Variants in ABLIM1 observed in about 807,000 individuals in gnomAD.
ABLIM1 encodes actin-binding LIM protein 1.
A neutral mutation model predicts 107.0 loss-of-function variants in ABLIM1; 40 were observed. That is an observed-to-expected ratio of 0.37 (90% CI 0.29 to 0.49). The LOEUF is 0.49. Ranked by LOEUF, ABLIM1 falls within the 20% of genes least tolerant of loss-of-function variation. The pLI, the probability that ABLIM1 is intolerant of heterozygous loss-of-function variation, is 0.97. For synonymous variants in ABLIM1, 357 were observed against 357.3 expected, an observed-to-expected ratio of 1.00 and a Z score of 0.01; for missense variants, 857 against 1,008.5, an observed-to-expected ratio of 0.85 and a Z score of 2.04.
intron 1 of ABLIM1, among the ~76,000 whole-genome samples, chr10:114,760,404 T>TCACACACACACACA (rs3981296): frequency 1.4e-5 from 2 of 143,630 alleles, no homozygotes; most frequent in African/African-American, 2.6e-5. Flanking sequence ...AATTTCTCCT[T>TCACACACACACACA]CACACACACA....
the ABLIM1 span, chr10:114,778,974 A>T: frequency 6.6e-6 from 1 of 151,892 alleles, no homozygotes; most frequent in African/African-American, 2.4e-5. Context: ...GTCGAACTGT[A>T]CTCTCTCCAG....
intron 1 of ABLIM1, among the ~76,000 whole-genome samples, chr10:114,735,711 G>A (rs2082165290): frequency 6.6e-6 from 1 of 152,136 alleles, no homozygotes; most frequent in Non-Finnish European, 1.5e-5. Flanking sequence ...CTCGTGATCT[G>A]CCCCCCTCGG....
At chr10:114,785,668 T>C in the ABLIM1 span, among the ~76,000 whole-genome samples, 1 of 152,312 alleles carries the variant, frequency 6.6e-6, no homozygotes, top group Admixed American at 6.5e-5. Flanking sequence ...TTTATATTAT[T>C]ATAATAGTTT....
At chr10:114,642,015 TG>T (rs2078776040) in intron 1 of ABLIM1, among the ~76,000 whole-genome samples, 1 of 152,126 alleles carries the variant, frequency 6.6e-6, no homozygotes, top group Non-Finnish European at 1.5e-5. Context: ...CCCAAGTAGC[TG>T]GGACTACAGG....
chr10:114,757,099 G>A (rs1301917382), intron 1 of ABLIM1, among the ~76,000 whole-genome samples: 1 of 152,146 alleles, frequency 6.6e-6, no homozygotes, highest in East Asian at 1.9e-4. Flanking sequence ...TGTGATTATG[G>A]TTTATTTTTT....
At chr10:114,668,024 AG>A (rs2080097501) in intron 1 of ABLIM1, among the ~76,000 whole-genome samples, 1 of 141,222 alleles carries the variant, frequency 7.1e-6, no homozygotes, top group African/African-American at 2.7e-5. Flanking sequence ...ATTGACTGGG[AG>A]GGGGTGTGGT....
chr10:114,630,786 C>T (rs2078124207), intron 1 of ABLIM1, among the ~76,000 whole-genome samples: 1 of 152,032 alleles, frequency 6.6e-6, no homozygotes, highest in African/African-American at 2.4e-5. Context: ...AAAGAATGTC[C>T]CCACGGTAAG....
chr10:114,775,292 G>A, the ABLIM1 span, among the ~76,000 whole-genome samples: 173 of 152,276 alleles, frequency 1.1e-3, no homozygotes, highest in African/African-American at 3.8e-3. Context: ...AATTCGAGAT[G>A]AGATTTGGGT....
At chr10:114,752,894 T>G (rs1204987179) in intron 1 of ABLIM1, among the ~76,000 whole-genome samples, 1 of 152,214 alleles carries the variant, frequency 6.6e-6, no homozygotes, top group Non-Finnish European at 1.5e-5. Flanking sequence ...AGTGCTGCAA[T>G]GAATATATGC....
intron 1 of ABLIM1, among the ~76,000 whole-genome samples, chr10:114,667,535 A>G (rs1354045262): frequency 2.0e-5 from 3 of 152,192 alleles, no homozygotes; most frequent in Non-Finnish European, 4.4e-5. Flanking sequence ...ATTAAGGTAT[A>G]ATTTACATAC....
chr10:114,601,665 A>T, intron 2 of ABLIM1, 162 bp downstream of exon 2: 1 of 1,170,446 alleles, frequency 8.5e-7, no homozygotes, highest in Non-Finnish European at 1.3e-6. Flanking sequence ...TTCTCGCCCT[A>T]GAGTCTAACT....
At chr10:114,477,147 C>A (rs544419657) in intron 8 of ABLIM1, among the ~76,000 whole-genome samples, 1 of 152,292 alleles carries the variant, frequency 6.6e-6, no homozygotes, top group South Asian at 2.1e-4. Context: ...AAGCCCTGCA[C>A]TAAAATTTTG....
In ABLIM1 at chr10:114,447,875, C is replaced by CA. The variant is rs1283269674; in HGVS notation, c.1735+4dup. 1 of 1,613,942 alleles carries CA rather than the reference C, an allele frequency of 6.2e-7. No individual in the cohort carries two copies. Among genetic ancestry groups the CA allele is most frequent in the Admixed American group, 1.7e-5 (1 of 59,988 alleles). ...CCCTTTGACTTAGCCGTGACAGTTGCATACCTACGACAGCAAATGAGGGGG... is the reference window on the plus strand; with the variant it reads ...CCCTTTGACTTAGCCGTGACAGTTGCAATACCTACGACAGCAAATGAGGGGG... On this transcript the variant is annotated splice_donor_region_variant and intron_variant, in intron 15 of 22. Coordinates refer to ENST00000533213, the MANE Select transcript of ABLIM1 (RefSeq NM_002313.7).
chr10:114,482,669 T>C (rs2057552754), intron 8 of ABLIM1, among the ~76,000 whole-genome samples: 1 of 152,208 alleles, frequency 6.6e-6, no homozygotes, highest in Non-Finnish European at 1.5e-5. Context: ...GTGATGGAGC[T>C]AAAGTTGACT....
At chr10:114,445,450 G>A (rs753479885) in intron 15 of ABLIM1, 47 bp from the exon 16 acceptor site, 2 of 1,526,800 alleles carry the variant, frequency 1.3e-6, no homozygotes, top group Admixed American at 3.3e-5. Flanking sequence ...CCAAGACAAG[G>A]GAATCTTAAC....
intron 2 of ABLIM1, among the ~76,000 whole-genome samples, chr10:114,582,088 CGAT>C (rs1457629558): frequency 1.3e-5 from 2 of 151,998 alleles, no homozygotes; most frequent in African/African-American, 4.8e-5. Context: ...CTCTCTTTGC[CGAT>C]GATATGATTC....
chr10:114,590,007 C>A (rs1298992926), intron 2 of ABLIM1, among the ~76,000 whole-genome samples: 1 of 152,058 alleles, frequency 6.6e-6, no homozygotes, highest in Middle Eastern at 3.2e-3. Flanking sequence ...TACTGGTGTA[C>A]CATTTTTAGT....
At chr10:114,704,302 C>CTCTCTCTATATATATA (rs1380460034) in intron 1 of ABLIM1, among the ~76,000 whole-genome samples, 2 of 43,090 alleles carry the variant, frequency 4.6e-5, no homozygotes, top group Non-Finnish European at 9.5e-5. Flanking sequence ...CTCTCTCTCT[C>CTCTCTCTATATATATA]TATATATATA....
Position 114,714,470 on chromosome 10 carries a change from G to T in ABLIM1, c.-213+53591C>A, listed in dbSNP as rs78645718. 5.4e-3 allele frequency among the ~76,000 whole-genome samples: 825 copies of T among 152,328 alleles called. 6 individuals are homozygous for T. Among genetic ancestry groups the T allele is most frequent in the African/African-American group, 0.019 (774 of 41,580 alleles). ...GCCAGTGATCCTGACATCTTAAGTT[G>T]AAAGCCGCACTTGAGAAAGATTTGG... is the stretch of plus-strand genomic sequence containing the variant. On this transcript the variant is annotated intron_variant, in intron 1 of 15. Transcript: ENST00000651092.
Sources: gnomAD v4.1 joint callset for allele counts (sites outside exome capture counted in the v4.1 genomes callset) on GRCh38, gnomAD v4.1.1 for gene constraint, MANE v1.5 for transcripts, NCBI Gene and HGNC (gene_info 2026-07-23, HGNC 2026-07-21) for gene names.